Variants in TMEM131 observed in about 807,000 individuals in gnomAD.
TMEM131 encodes the protein transmembrane protein 131.
A neutral mutation model predicts 211.6 loss-of-function variants in TMEM131; 66 were observed. That is an observed-to-expected ratio of 0.31 (90% confidence interval 0.26 to 0.38). The LOEUF is 0.38. Ranked by LOEUF, TMEM131 falls within the 10% of genes least tolerant of loss-of-function variation. The probability of loss-of-function intolerance (pLI) is 1.00; values close to 1 mark genes in which losing one functional copy is unlikely to be tolerated. For synonymous variants in TMEM131, 844 were observed against 841.3 expected (o/e 1.00, Z -0.06); for missense variants, 2,036 against 2,299.3 (o/e 0.89, Z 2.34).
chr2:97,939,598 A>G (rs943836579), intron 1 of TMEM131, among the ~76,000 whole-genome samples: 1 of 152,222 alleles, frequency 6.6e-6, no homozygotes, highest in Non-Finnish European at 1.5e-5. Flanking sequence ...CCAGAGGTAT[A>G]AAGAGGAGCT....
intron 16 of TMEM131, 26 bp downstream of exon 16, chr2:97,812,613 G>A: frequency 6.3e-7 from 1 of 1,579,686 alleles, no homozygotes; most frequent in Non-Finnish European, 8.6e-7. Flanking sequence ...CCTTAAATGT[G>A]ATTTAGAATA....
intron 1 of TMEM131, among the ~76,000 whole-genome samples, chr2:97,979,764 A>G (rs901695971): frequency 6.6e-6 from 1 of 152,194 alleles, no homozygotes; most frequent in African/African-American, 2.4e-5. Context: ...TTGCTTTCTT[A>G]TCATTCATTT....
At chr2:97,850,810 C>A (rs555556091) in intron 5 of TMEM131, among the ~76,000 whole-genome samples, 1 of 152,100 alleles carries the variant, frequency 6.6e-6, no homozygotes, top group East Asian at 1.9e-4. Flanking sequence ...ATTCATAAGG[C>A]CTATGTTTAT....
intron 4 of TMEM131, among the ~76,000 whole-genome samples, chr2:97,871,508 T>C (rs563830692): frequency 6.6e-6 from 1 of 152,288 alleles, no homozygotes; most frequent in Admixed American, 6.5e-5. Context: ...ATCACTCCTG[T>C]AGGAAGCATT....
chr2:97,771,222 G>A (rs80302583), intron 33 of TMEM131, among the ~76,000 whole-genome samples: 1 of 152,064 alleles, frequency 6.6e-6, no homozygotes, highest in African/African-American at 2.4e-5. Flanking sequence ...TAAATTTTAG[G>A]TACAAATACT....
intron 4 of TMEM131, among the ~76,000 whole-genome samples, chr2:97,878,638 G>T (rs892809118): frequency 5.3e-5 from 8 of 152,130 alleles, no homozygotes; most frequent in African/African-American, 1.9e-4. Flanking sequence ...GTAAGTGGGA[G>T]TTGAACAATG....
chr2:97,894,503 C>T (rs1232702232), intron 3 of TMEM131, among the ~76,000 whole-genome samples: 1 of 152,174 alleles, frequency 6.6e-6, no homozygotes, highest in Non-Finnish European at 1.5e-5. Flanking sequence ...TTGATTCTTC[C>T]TATCCATAAG....
chr2:97,986,416 T>G (rs1003754931), intron 1 of TMEM131, among the ~76,000 whole-genome samples: 1 of 152,254 alleles, frequency 6.6e-6, no homozygotes, highest in Non-Finnish European at 1.5e-5. Flanking sequence ...AGTTCTTGAC[T>G]GGTTACAGTT....
intron 1 of TMEM131, among the ~76,000 whole-genome samples, chr2:97,982,899 A>G (rs1679858367): frequency 6.6e-6 from 1 of 152,230 alleles, no homozygotes; most frequent in African/African-American, 2.4e-5. Flanking sequence ...TCTCCCCTGA[A>G]GCCTACAGAA....
chr2:97,808,831 GA>G (rs756286492), intron 19 of TMEM131, among the ~76,000 whole-genome samples: 1 of 152,180 alleles, frequency 6.6e-6, no homozygotes, highest in Non-Finnish European at 1.5e-5. Context: ...GAGGAGTCAA[GA>G]AATCTTCAGA....
chr2:97,928,799 T>C (rs112979635), intron 1 of TMEM131, among the ~76,000 whole-genome samples: 1 of 151,808 alleles, frequency 6.6e-6, no homozygotes, highest in African/African-American at 2.4e-5. Flanking sequence ...GTCTCACTGT[T>C]GGAAGAGCAA....
At chr2:97,872,684 A>T (rs1267329868) in intron 4 of TMEM131, among the ~76,000 whole-genome samples, 8 of 152,170 alleles carry the variant, frequency 5.3e-5, no homozygotes, top group Non-Finnish European at 1.2e-4. Context: ...GCTGTCAGGG[A>T]CTGAACCTGA....
At chr2:97,791,872 A>C (rs1680514013) in intron 31 of TMEM131, among the ~76,000 whole-genome samples, 1 of 152,346 alleles carries the variant, frequency 6.6e-6, no homozygotes, top group African/African-American at 2.4e-5. Context: ...TTTTGGTCAC[A>C]ATTACTTAAC....
In TMEM131 at chr2:97,760,761, G is replaced by A. The variant is rs188951413; in HGVS notation, c.5011+32C>T. 9.5e-3 allele frequency: 15,326 copies of A among 1,613,758 alleles called. 93 individuals are homozygous for A. The highest frequency in any genetic ancestry group is 0.011 in the Non-Finnish European group (13,434 of 1,179,668). On this transcript the variant is annotated intron_variant, in intron 37 of 40. Coordinates refer to ENST00000186436, the MANE Select transcript of TMEM131 (RefSeq NM_015348.2). The stretch of plus-strand genomic sequence containing the variant: ...GTCATTCCACCAGGCCTGGCGCCTG[G>A]CGTGGCAGGTCTCTGAAGCAAAGGC...
At chr2:97,863,050 A>C (rs1229677330) in intron 4 of TMEM131, among the ~76,000 whole-genome samples, 1 of 152,190 alleles carries the variant, frequency 6.6e-6, no homozygotes, top group East Asian at 1.9e-4. Context: ...TTTCAGTAGA[A>C]ATCTTACAGG....
chr2:97,767,293 T>C (rs1411535996), intron 33 of TMEM131, among the ~76,000 whole-genome samples: 2 of 152,196 alleles, frequency 1.3e-5, no homozygotes, highest in Non-Finnish European at 2.9e-5. Flanking sequence ...ATCTTAAGTT[T>C]CCAAAGCTCA....
chr2:97,937,425 A>C (rs1014404590), intron 1 of TMEM131, among the ~76,000 whole-genome samples: 1 of 152,152 alleles, frequency 6.6e-6, no homozygotes, highest in East Asian at 1.9e-4. Flanking sequence ...TGACTACAAA[A>C]CACCATCTGT....
In TMEM131 at chr2:97,801,944, A is replaced by G; in HGVS notation, c.2669T>C (p.Val890Ala). ...TAGTGTTCTCAAATCTATCTTTGCC[A>G]CCTTACTCAAGTTAAACCTAAAACA... The part of the protein sequence containing the change: ...KLVSRFNLSK[V>A]AKIDLRTLEF... Residue 890 changes from valine (V) to alanine (A), a missense_variant, in exon 25 of 41, where the codon GTG becomes GCG. Transcript: ENST00000186436. 3 of 1,608,504 alleles carry G rather than the reference A, an allele frequency of 1.9e-6. No individual in the cohort carries two copies. Among genetic ancestry groups the G allele is most frequent in the South Asian group, 1.1e-5 (1 of 90,058 alleles).
intron 2 of TMEM131, among the ~76,000 whole-genome samples, chr2:97,924,662 C>T (rs558602287): frequency 6.6e-6 from 1 of 152,264 alleles, no homozygotes; most frequent in Admixed American, 6.5e-5. Context: ...TAGGAAAGTA[C>T]CTGTCACCAG....
Sources: allele counts gnomAD v4.1 joint callset (sites outside exome capture counted in the v4.1 genomes callset), GRCh38; gene constraint gnomAD v4.1.1; transcripts MANE v1.5; gene names NCBI Gene and HGNC (gene_info 2026-07-23, HGNC 2026-07-21).